FARS2: variants seen among roughly 807,000 people sequenced by gnomAD.
FARS2 encodes phenylalanyl-tRNA synthetase 2, mitochondrial, also known as phenylalanine--tRNA ligase, mitochondrial.
FARS2 carries 40 observed loss-of-function variants against 46.4 expected under a neutral mutation model. The ratio of observed to expected loss-of-function variants is 0.86; its 90% CI spans 0.67 to 1.12. The LOEUF (loss-of-function observed/expected upper bound fraction) is 1.12. FARS2 is among the 50% of genes most tolerant of loss of function. FARS2 has a pLI of 0.00. For synonymous variants in FARS2, 234 were observed against 214.9 expected (o/e 1.09, Z -0.78); for missense variants, 513 against 567.9 (o/e 0.90, Z 0.98).
intron 5 of FARS2, among the ~76,000 whole-genome samples, chr6:5,579,151 T>G (rs1345443295): frequency 6.6e-6 from 1 of 152,258 alleles, no homozygotes; most frequent in African/African-American, 2.4e-5. Context: ...TATAAACTTC[T>G]TCTTGCCCTG....
At chr6:5,453,395 A>G (rs1216107781) in intron 4 of FARS2, among the ~76,000 whole-genome samples, 1 of 152,240 alleles carries the variant, frequency 6.6e-6, no homozygotes, top group East Asian at 1.9e-4. Context: ...ATTAATTAAT[A>G]CTATCTACAG....
intron 2 of FARS2, among the ~76,000 whole-genome samples, chr6:5,375,124 A>G (rs1366015391): frequency 7.0e-6 from 1 of 143,578 alleles, no homozygotes; most frequent in African/African-American, 2.9e-5. Flanking sequence ...GCATTGGAAA[A>G]CATAGATAAA....
At chr6:5,454,212 G>T (rs200161887) in intron 4 of FARS2, among the ~76,000 whole-genome samples, 6 of 70,334 alleles carry the variant, frequency 8.5e-5, no homozygotes, top group African/African-American at 1.5e-4. Flanking sequence ...TTTTTTTTTA[G>T]ACCCATGGAC....
chr6:5,315,458 T>A (rs565024698), intron 1 of FARS2, among the ~76,000 whole-genome samples: 4 of 152,322 alleles, frequency 2.6e-5, no homozygotes, highest in African/African-American at 9.6e-5. Context: ...AGTCATAAAC[T>A]GTAATGAAAT....
chr6:5,758,586 C>T (rs1425590105), intron 6 of FARS2, among the ~76,000 whole-genome samples: 2 of 152,134 alleles, frequency 1.3e-5, no homozygotes, highest in African/African-American at 4.8e-5. Context: ...CCTCAACCAA[C>T]CTGTTTTGTG....
intron 3 of FARS2, 116 bp downstream of exon 3, chr6:5,404,817 C>T (rs571978838): frequency 1.1e-4 from 80 of 726,782 alleles, no homozygotes; most frequent in Admixed American, 4.0e-4. Context: ...TTTTTTTCCC[C>T]GAGACGGAGT....
At chr6:5,643,067 C>T (rs1362576319) in intron 6 of FARS2, among the ~76,000 whole-genome samples, 1 of 152,174 alleles carries the variant, frequency 6.6e-6, no homozygotes, top group Non-Finnish European at 1.5e-5. Flanking sequence ...CAGGAAAAAG[C>T]TTGATTAGTA....
chr6:5,398,873 A>G (rs2127707814), intron 2 of FARS2, among the ~76,000 whole-genome samples: 1 of 152,284 alleles, frequency 6.6e-6, no homozygotes, highest in African/African-American at 2.4e-5. Context: ...TGGAATGAAC[A>G]TAAAGGTAGT....
intron 2 of FARS2, among the ~76,000 whole-genome samples, chr6:5,387,466 A>G (rs766668368): frequency 7.9e-5 from 12 of 152,356 alleles, no homozygotes; most frequent in Middle Eastern, 3.4e-3. Context: ...TCAGTAAAGA[A>G]GAGGACAAAG....
intron 4 of FARS2, among the ~76,000 whole-genome samples, chr6:5,528,167 G>T (rs925770539): frequency 3.3e-5 from 5 of 151,518 alleles, no homozygotes; most frequent in Admixed American, 1.3e-4. Context: ...TTTCCTTCTT[G>T]TTGGAAGATC....
chr6:5,696,653 A>T (rs1035510258), intron 6 of FARS2, among the ~76,000 whole-genome samples: 6 of 152,218 alleles, frequency 3.9e-5, no homozygotes, highest in African/African-American at 1.4e-4. Flanking sequence ...TGCATAGGAA[A>T]TATCTATAAA....
At chr6:5,632,521 G>T (rs544446096) in intron 6 of FARS2, among the ~76,000 whole-genome samples, 2 of 151,786 alleles carry the variant, frequency 1.3e-5, no homozygotes, top group Admixed American at 6.6e-5. Flanking sequence ...AGAGGAAGCC[G>T]CATACCCATT....
chr6:5,332,961 G>A (rs1770901771), intron 1 of FARS2, among the ~76,000 whole-genome samples: 1 of 152,106 alleles, frequency 6.6e-6, no homozygotes, highest in South Asian at 2.1e-4. Context: ...CAGCTCTTAG[G>A]TTTATAGACC....
intron 4 of FARS2, among the ~76,000 whole-genome samples, chr6:5,518,250 T>G (rs1049562689): frequency 1.3e-5 from 2 of 148,782 alleles, no homozygotes; most frequent in Admixed American, 1.3e-4. Flanking sequence ...TTGGAGCAAG[T>G]AGTCAAACGT....
chr6:5,471,307 T>C lies in FARS2; in HGVS notation c.904+40135T>C, dbSNP rs1765794234. On this transcript the variant is annotated intron_variant, in intron 4 of 6. Transcript: ENST00000274680. The surrounding 1 kb of genome is among the most constrained non-coding windows in gnomAD (Gnocchi z 4.1). The stretch of plus-strand genomic sequence containing the variant: ...AAAATAAGTAGATCTTATTTTAATC[T>C]TGGGGAAACTGGGTATAAGAGGGAA... Among the ~76,000 whole-genome samples, 1 of 152,226 alleles carries C rather than the reference T, an allele frequency of 6.6e-6. No individual in the cohort carries two copies. The highest frequency in any genetic ancestry group is 1.5e-5 in the Non-Finnish European group (1 of 68,038).
At chr6:5,488,523 TCA>T (rs1240657757) in intron 4 of FARS2, among the ~76,000 whole-genome samples, 1 of 152,204 alleles carries the variant, frequency 6.6e-6, no homozygotes, top group African/African-American at 2.4e-5. Context: ...GTGTTCATAT[TCA>T]CCTGTTCATG....
chr6:5,646,504 C>G (rs1046743664), intron 6 of FARS2, among the ~76,000 whole-genome samples: 1 of 152,096 alleles, frequency 6.6e-6, no homozygotes, highest in African/African-American at 2.4e-5. Context: ...CTCCTCTACT[C>G]TTGAAAAGAG....
chr6:5,371,895 A>G (rs997965881), intron 2 of FARS2, among the ~76,000 whole-genome samples: 2 of 151,400 alleles, frequency 1.3e-5, no homozygotes, highest in African/African-American at 2.5e-5. Context: ...AAAGACACAC[A>G]TTATCAGATT....
At chr6:5,741,537 C>T (rs1736668972) in intron 6 of FARS2, among the ~76,000 whole-genome samples, 1 of 152,354 alleles carries the variant, frequency 6.6e-6, no homozygotes, top group East Asian at 1.9e-4. Flanking sequence ...TGTACCTTTG[C>T]TTCCACGGGA....
Sources: gnomAD v4.1 joint callset for allele counts (sites outside exome capture counted in the v4.1 genomes callset) on GRCh38, gnomAD v4.1.1 for gene constraint, Gnocchi (gnomAD v3.1) non-coding constraint, MANE v1.5 for transcripts, NCBI Gene and HGNC (gene_info 2026-07-23, HGNC 2026-07-21) for gene names.